BARHL1: variants seen among roughly 807,000 people sequenced by gnomAD.
The protein encoded by BARHL1 is BarH like homeobox 1, also known as barH-like 1 homeobox protein.
BARHL1 carries 2 observed loss-of-function variants against 20.1 expected under a neutral mutation model. The ratio of observed to expected loss-of-function variants is 0.10; its 90% confidence interval spans 0.04 to 0.31. BARHL1 has a LOEUF of 0.31. BARHL1 is among the 10% of genes least tolerant of loss of function. BARHL1 has a pLI of 1.00. For missense variants in BARHL1, 397 were observed against 454.0 expected (o/e 0.87, Z 1.14); for synonymous variants, 213 against 209.9 (o/e 1.01, Z -0.13).
chr9:132,586,732 C>T (rs1242250444), intron 1 of BARHL1, among the ~76,000 whole-genome samples: 2 of 152,262 alleles, frequency 1.3e-5, no homozygotes, highest in Non-Finnish European at 2.9e-5. Flanking sequence ...TAGCGAGTGT[C>T]GGGAGAAATC....
At position 132,589,774 on chromosome 9, in the gene BARHL1, C is replaced by T; in HGVS notation, c.*252C>T. 1 of 386,458 alleles carries T rather than the reference C, an allele frequency of 2.6e-6. No homozygotes were observed. The highest frequency in any genetic ancestry group is 4.3e-6 in the Non-Finnish European group (1 of 232,508). 23.9% of individuals were successfully genotyped at this position (386,458 alleles called of 1,614,324 possible). ...CTGTCCGGGAGCCATCCCCACCCGCCGGGTGTACATACGCGTCTCTGCCAC... is the reference window on the plus strand; with the variant it reads ...CTGTCCGGGAGCCATCCCCACCCGCTGGGTGTACATACGCGTCTCTGCCAC... On this transcript the variant is annotated 3_prime_UTR_variant, in exon 3 of 3. Transcript: ENST00000263610.
Position 132,583,005 on chromosome 9 carries a change from T to C in BARHL1, c.208T>C (p.Ser70Pro). 2 of 1,613,726 alleles carry C rather than the reference T, an allele frequency of 1.2e-6. No individual in the cohort carries two copies. The highest frequency in any genetic ancestry group is 1.7e-6 in the Non-Finnish European group (2 of 1,179,936). Residue 70 changes from serine (S) to proline (P), a missense_variant, in exon 1 of 3, where the codon TCC becomes CCC. Coordinates refer to ENST00000263610, the MANE Select transcript of BARHL1 (RefSeq NM_020064.4). ...ETGTPRPGGA[S>P]GPGLDSHLQP... is the part of the protein sequence containing the mutation. Reference sequence around the variant, plus strand: ...GGGGACCCCACGGCCTGGCGGGGCATCCGGCCCAGGTTTGGACTCCCACCT... The same window carrying C: ...GGGGACCCCACGGCCTGGCGGGGCACCCGGCCCAGGTTTGGACTCCCACCT...
Position 132,589,604 on chromosome 9 carries a change from G to A in BARHL1, c.*82G>A. 2.4e-6 allele frequency: 3 copies of A among 1,233,466 alleles called. No homozygotes were observed. The highest frequency in any genetic ancestry group is 3.0e-6 in the Non-Finnish European group (3 of 991,948). 76.4% of individuals were successfully genotyped at this position (1,233,466 alleles called of 1,614,324 possible). ...GCCTTTCTGAGGGCGCAGGTTCGACGCCCTTTCCCGGGAGGGGGCCCTGCC... is the reference window on the plus strand; with the variant it reads ...GCCTTTCTGAGGGCGCAGGTTCGACACCCTTTCCCGGGAGGGGGCCCTGCC... On this transcript the variant is annotated 3_prime_UTR_variant, in exon 3 of 3. Coordinates refer to ENST00000263610, the MANE Select transcript of BARHL1 (RefSeq NM_020064.4).
chr9:132,583,867 G>C (rs1205224811), intron 1 of BARHL1, among the ~76,000 whole-genome samples: 1 of 152,170 alleles, frequency 6.6e-6, no homozygotes, highest in East Asian at 1.9e-4. Flanking sequence ...CAGGTCAGGG[G>C]GCTAGTGCAG....
Position 132,583,123 on chromosome 9 carries a change from C to A in BARHL1, c.326C>A (p.Ala109Glu), listed in dbSNP as rs1336508111. Reference sequence around the variant, plus strand: ...ATCCTTGCCGACTGCAAACCACTCGCGGCCTGTGCACCCTACTCTAGCAGC... The same window carrying A: ...ATCCTTGCCGACTGCAAACCACTCGAGGCCTGTGCACCCTACTCTAGCAGC... ...RDILADCKPL[A>E]ACAPYSSSGQ... The change falls in exon 1 of 3, where the codon GCG becomes GAG. Residue 109 changes from alanine to glutamate, a missense_variant. This residue lies in a region of BARHL1 where 272 missense variants were observed against 298.7 expected (regional missense o/e 0.91). Transcript: ENST00000263610. The A allele has an allele frequency of 6.2e-7, 1 of 1,613,808 alleles. No individual in the cohort carries two copies.
chr9:132,585,145 C>T (rs149586869), intron 1 of BARHL1, among the ~76,000 whole-genome samples: 181 of 152,246 alleles, frequency 1.2e-3, no homozygotes, highest in African/African-American at 4.1e-3. Context: ...TGACGAGGGC[C>T]GGCTGTCTAC....
chr9:132,588,801 C>A (rs904160083), intron 2 of BARHL1, among the ~76,000 whole-genome samples: 12 of 152,148 alleles, frequency 7.9e-5, no homozygotes, highest in Non-Finnish European at 1.6e-4. Flanking sequence ...AAGAGCACCC[C>A]CCCATCCCCT....
chr9:132,583,300 A>C, intron 1 of BARHL1, 37 bp downstream of exon 1: 1 of 1,540,968 alleles, frequency 6.5e-7, no homozygotes. Flanking sequence ...GGGGGATGCT[A>C]TGTATCTAAA....
In BARHL1 at chr9:132,587,346, C is replaced by T. The variant is rs769575191; in HGVS notation, c.484C>T (p.Arg162Cys). 6.2e-7 allele frequency: 1 copy of T among 1,606,610 alleles called. No homozygotes were observed. Among genetic ancestry groups the T allele is most frequent in the African/African-American group, 1.3e-5 (1 of 74,898 alleles). ...SEYKVKEEGD[R>C]EISSSRDSPP... ...GTCCGCAGTGAAGGAGGAGGGCGAC[C>T]GCGAGATCTCCAGCTCCAGGGACAG... Residue 162 changes from arginine to cysteine, a missense_variant, in exon 2 of 3, where the codon CGC (arginine) becomes TGC (cysteine). This residue lies in a region of BARHL1 where 272 missense variants were observed against 298.7 expected (regional missense o/e 0.91). Coordinates refer to ENST00000263610, the MANE Select transcript of BARHL1 (RefSeq NM_020064.4). This position sits in a 1 kb window ranked among gnomAD's most constrained non-coding sequence, Gnocchi z 5.5.
intron 1 of BARHL1, among the ~76,000 whole-genome samples, chr9:132,584,628 T>C (rs1830118879): frequency 6.6e-6 from 1 of 152,132 alleles, no homozygotes; most frequent in Non-Finnish European, 1.5e-5. Flanking sequence ...AATTCATCGG[T>C]CCGACTGCAC....
chr9:132,582,915 C>T lies in BARHL1; in HGVS notation c.118C>T (p.Pro40Ser). ...CTGCCGTTCGCCCCTGGAGCTGAGTCCACGCTCAGAGAGCAGCAGCGACTG... is the reference window on the plus strand; with the variant it reads ...CTGCCGTTCGCCCCTGGAGCTGAGTTCACGCTCAGAGAGCAGCAGCGACTG... ...GDCRSPLELSPRSESSSDCSS... is the reference protein window; with the variant it reads ...GDCRSPLELSSRSESSSDCSS... The change falls in exon 1 of 3, where the codon CCA (proline) becomes TCA (serine). Residue 40 changes from proline (P) to serine (S), a missense_variant. Transcript: ENST00000263610. The T allele has an allele frequency of 2.1e-5, 34 of 1,613,572 alleles. No individual in the cohort carries two copies. Among genetic ancestry groups the T allele is most frequent in the Non-Finnish European group, 2.9e-5 (34 of 1,179,958 alleles).
chr9:132,583,352 C>CG, intron 1 of BARHL1, 89 bp downstream of exon 1: 1 of 1,213,548 alleles, frequency 8.2e-7, no homozygotes, highest in Non-Finnish European at 1.1e-6. Context: ...GACATGCACT[C>CG]GCTCACCTGG....
rs1028949972 is a variant in BARHL1, at chr9:132,589,742, G to A, written c.*220G>A. On this transcript the variant is annotated 3_prime_UTR_variant, in exon 3 of 3. Transcript: ENST00000263610. ...AGCCCCCCTCGGCGTCCTCTCTCGC[G>A]GCCGCTCTGTCCGGGAGCCATCCCC... 2.5e-5 allele frequency: 14 copies of A among 558,094 alleles called. No individual in the cohort carries two copies. In the South Asian group the frequency reaches 9.7e-4, roughly 39 times the overall value. The allele number at this position is 558,094 out of a possible 1,614,324, so 34.6% of individuals were successfully genotyped here.
In BARHL1 at chr9:132,589,363, G is replaced by A. The variant is rs1234646111; in HGVS notation, c.825G>A (p.Ala275=). 2 of 1,613,190 alleles carry A rather than the reference G, an allele frequency of 1.2e-6. No individual in the cohort carries two copies. Among genetic ancestry groups the A allele is most frequent in the African/African-American group, 1.3e-5 (1 of 74,938 alleles). Residue 275 remains alanine, a synonymous_variant, in exon 3 of 3, where the codon GCG becomes GCA. Coordinates refer to ENST00000263610, the MANE Select transcript of BARHL1 (RefSeq NM_020064.4). The stretch of plus-strand genomic sequence containing the variant: ...TGGTTTCCAACCTGGACCCCGGCGC[G>A]GCGCTCTACCTGTACCGCGGCCCCA... ...QSLVSNLDPG[A]ALYLYRGPSA...
chr9:132,589,527 C>T lies in BARHL1; in HGVS notation c.*5C>T. The T allele has an allele frequency of 1.5e-6, 2 of 1,310,166 alleles. No individual in the cohort carries two copies. Among genetic ancestry groups the T allele is most frequent in the South Asian group, 2.5e-5 (1 of 40,010 alleles). 81.2% of individuals were successfully genotyped at this position (1,310,166 alleles called of 1,614,324 possible). A position where few individuals can be genotyped will look rare whatever the true frequency, so the allele number is the denominator to read the frequency against. Reference sequence around the variant, plus strand: ...CGCGCCGCGCAGCCTCGGTGAGGCGCCCGTCGGCTCCGGGGCCTCCTCCCG... The same window carrying T: ...CGCGCCGCGCAGCCTCGGTGAGGCGTCCGTCGGCTCCGGGGCCTCCTCCCG... On this transcript the variant is annotated 3_prime_UTR_variant, in exon 3 of 3. Coordinates refer to ENST00000263610, the MANE Select transcript of BARHL1 (RefSeq NM_020064.4).
At position 132,589,363 on chromosome 9, in the gene BARHL1, G is replaced by C; in HGVS notation, c.825G>C (p.Ala275=). ...TGGTTTCCAACCTGGACCCCGGCGC[G>C]GCGCTCTACCTGTACCGCGGCCCCA... ...QSLVSNLDPG[A]ALYLYRGPSA... is the part of the protein sequence containing the mutation. Residue 275 remains alanine (A), a synonymous_variant, in exon 3 of 3, where the codon GCG becomes GCC. Coordinates refer to ENST00000263610, the MANE Select transcript of BARHL1 (RefSeq NM_020064.4). 1 of 1,613,308 alleles carries C rather than the reference G, an allele frequency of 6.2e-7. No homozygotes were observed. Among genetic ancestry groups the C allele is most frequent in the Non-Finnish European group, 8.5e-7 (1 of 1,179,956 alleles).
chr9:132,583,198 C>T lies in BARHL1; in HGVS notation c.401C>T (p.Ala134Val), dbSNP rs1830094462. 2.5e-6 allele frequency: 4 copies of T among 1,613,360 alleles called. No individual in the cohort carries two copies. Among genetic ancestry groups the T allele is most frequent in the African/African-American group, 2.7e-5 (2 of 75,046 alleles). Residue 134 changes from alanine (A) to valine (V), a missense_variant, in exon 1 of 3, where the codon GCG becomes GTG. This residue lies in a region of BARHL1 where 272 missense variants were observed against 298.7 expected (regional missense o/e 0.91). Transcript: ENST00000263610. ...GGGGGCCGCCTTGCGGCCAAGGCCG[C>T]GGAGGACTTTAGAGACAAGCTGGAC... is the stretch of plus-strand genomic sequence containing the variant. ...EPGGRLAAKA[A>V]EDFRDKLDKS...
In BARHL1 at chr9:132,583,239, G is replaced by A. The variant is rs755007557; in HGVS notation, c.442G>A (p.Ala148Thr). 1 of 1,612,012 alleles carries A rather than the reference G, an allele frequency of 6.2e-7. No homozygotes were observed. The highest frequency in any genetic ancestry group is 8.5e-7 in the Non-Finnish European group (1 of 1,179,014). The change falls in exon 1 of 3, where the codon GCC (alanine) becomes ACC (threonine). Residue 148 changes from alanine (A) to threonine (T), a missense_variant. Ala to Thr is a moderately conservative substitution (Grantham distance 58). Coordinates refer to ENST00000263610, the MANE Select transcript of BARHL1 (RefSeq NM_020064.4). ...CAAGCTGGACAAAAGTGGCAGCAACGCCTCATCGGACTCTGAGTATAAAGG... is the reference window on the plus strand; with the variant it reads ...CAAGCTGGACAAAAGTGGCAGCAACACCTCATCGGACTCTGAGTATAAAGG... The part of the protein sequence containing the change: ...RDKLDKSGSN[A>T]SSDSEYKVKE...
intron 1 of BARHL1, among the ~76,000 whole-genome samples, chr9:132,585,507 A>G (rs1387271886): frequency 6.6e-6 from 1 of 152,258 alleles, no homozygotes; most frequent in Non-Finnish European, 1.5e-5. Context: ...TCGGCTTTGA[A>G]GTAAGGTGGT....
Sources: allele counts gnomAD v4.1 joint callset (sites outside exome capture counted in the v4.1 genomes callset), GRCh38; gene constraint gnomAD v4.1.1; regional missense constraint gnomAD v4.1.1; non-coding constraint Gnocchi (gnomAD v3.1); transcripts MANE v1.5; gene names NCBI Gene and HGNC (gene_info 2026-07-23, HGNC 2026-07-21).